KIF16B: variants seen among roughly 807,000 people sequenced by gnomAD.
KIF16B encodes kinesin-like protein KIF16B.
In KIF16B, 98 loss-of-function variants were observed where a neutral mutation model predicts 156.3. The observed-to-expected ratio is 0.63, with a 90% CI of 0.53 to 0.74. KIF16B has a LOEUF of 0.74. Among genes scored for constraint, KIF16B ranks in the 30% least tolerant of loss-of-function variants. KIF16B has a pLI of 0.00. For synonymous variants in KIF16B, 564 were observed against 583.7 expected, an observed-to-expected ratio of 0.97 and a Z score of 0.49; for missense variants, 1,421 against 1,606.5, an observed-to-expected ratio of 0.88 and a Z score of 1.97.
intron 17 of KIF16B, among the ~76,000 whole-genome samples, chr20:16,389,101 T>C (rs2065301123): frequency 1.3e-5 from 2 of 152,112 alleles, no homozygotes; most frequent in Non-Finnish European, 2.9e-5. Context: ...TACTCTATTA[T>C]CTCAGTGGGC....
chr20:16,570,162 T>C (rs2071403752), intron 1 of KIF16B, among the ~76,000 whole-genome samples: 1 of 152,238 alleles, frequency 6.6e-6, no homozygotes, highest in Non-Finnish European at 1.5e-5. Context: ...CCCAATTTTG[T>C]ATATTAAGGT....
chr20:16,296,657 G>T (rs2063391110), intron 25 of KIF16B, among the ~76,000 whole-genome samples: 1 of 152,080 alleles, frequency 6.6e-6, no homozygotes, highest in Non-Finnish European at 1.5e-5. Flanking sequence ...ACATGAGGTG[G>T]GATTGTAATT....
chr20:16,405,691 TG>T (rs1372948000), intron 16 of KIF16B, among the ~76,000 whole-genome samples: 1 of 152,146 alleles, frequency 6.6e-6, no homozygotes, highest in African/African-American at 2.4e-5. Context: ...CATCTTGACC[TG>T]GGGGTGATAG....
At chr20:16,372,973 T>C (rs2064859726) in intron 20 of KIF16B, among the ~76,000 whole-genome samples, 1 of 152,208 alleles carries the variant, frequency 6.6e-6, no homozygotes, top group African/African-American at 2.4e-5. Flanking sequence ...GCTGGGATTA[T>C]AGGCGTCAGC....
intron 12 of KIF16B, among the ~76,000 whole-genome samples, chr20:16,434,551 T>C (rs2066592940): frequency 6.6e-6 from 1 of 152,194 alleles, no homozygotes; most frequent in African/African-American, 2.4e-5. Flanking sequence ...AGATTGTACT[T>C]GGAAAAAACT....
intron 15 of KIF16B, among the ~76,000 whole-genome samples, chr20:16,408,656 T>C (rs1441805203): frequency 1.3e-5 from 2 of 152,136 alleles, no homozygotes; most frequent in African/African-American, 2.4e-5. Flanking sequence ...TTTCAAATTG[T>C]ATTAAATCAT....
At chr20:16,547,810 C>CCACG (rs1319755153) in intron 1 of KIF16B, among the ~76,000 whole-genome samples, 3 of 152,208 alleles carry the variant, frequency 2.0e-5, no homozygotes, top group African/African-American at 7.2e-5. Context: ...TGACCATGGT[C>CCACG]CACGGCATGC....
At chr20:16,318,945 C>T (rs969473803) in intron 24 of KIF16B, among the ~76,000 whole-genome samples, 12 of 152,112 alleles carry the variant, frequency 7.9e-5, no homozygotes, top group Admixed American at 2.0e-4. Context: ...ACTTCAGCCA[C>T]GTGATCAAGT....
At chr20:16,553,541 G>A (rs1398459388) in intron 1 of KIF16B, among the ~76,000 whole-genome samples, 23 of 152,180 alleles carry the variant, frequency 1.5e-4, no homozygotes, top group African/African-American at 5.5e-4. Context: ...CACCAGCTAA[G>A]CCTATTTGGA....
At chr20:16,483,233 G>C (rs1185033713) in intron 12 of KIF16B, among the ~76,000 whole-genome samples, 1 of 152,204 alleles carries the variant, frequency 6.6e-6, no homozygotes, top group Non-Finnish European at 1.5e-5. Context: ...ATCCTGGTGA[G>C]CCAGAGCCCT....
intron 25 of KIF16B, among the ~76,000 whole-genome samples, chr20:16,292,089 A>G (rs924711296): frequency 1.7e-4 from 26 of 152,242 alleles, no homozygotes; most frequent in Non-Finnish European, 1.5e-5. Context: ...CTTATAAATA[A>G]TATGAAGCAG....
chr20:16,368,999 CA>C (rs2064750216), intron 22 of KIF16B: 1 of 985,716 alleles, frequency 1.0e-6, no homozygotes, highest in Non-Finnish European at 1.2e-6. Context: ...CATTTTGGTT[CA>C]AAATGGCCAG....
rs149098302 is a variant in KIF16B at position 16,405,742 on chromosome 20, G to A, written c.1695+632C>T. Among the ~76,000 whole-genome samples the A allele has an allele frequency of 8.2e-3, 1,248 of 152,260 alleles. 7 individuals are homozygous for A. Among genetic ancestry groups the A allele is most frequent in the Non-Finnish European group, 0.013 (853 of 68,010 alleles). On this transcript the variant is annotated intron_variant, in intron 16 of 25. Coordinates refer to ENST00000354981, the MANE Select transcript of KIF16B (RefSeq NM_024704.5). ...CGGCTGCTGCACAGATAAAGAGATAGAATATATGTACAAGTTTAGCACCAT... is the reference window on the plus strand; with the variant it reads ...CGGCTGCTGCACAGATAAAGAGATAAAATATATGTACAAGTTTAGCACCAT...
At chr20:16,410,299 A>ATG (rs35361828) in intron 15 of KIF16B, among the ~76,000 whole-genome samples, 4,774 of 141,482 alleles carry the variant, frequency 0.034, 113 homozygotes, top group African/African-American at 0.055. Context: ...CTACATATAT[A>ATG]TGTGTGTGTG....
At chr20:16,315,188 C>A (rs770407754) in intron 24 of KIF16B, among the ~76,000 whole-genome samples, 1 of 152,096 alleles carries the variant, frequency 6.6e-6, no homozygotes, top group Non-Finnish European at 1.5e-5. Flanking sequence ...CTCTCCAGAC[C>A]CAGATGGAGG....
At chr20:16,511,784 T>A (rs886703896) in intron 5 of KIF16B, among the ~76,000 whole-genome samples, 1 of 152,164 alleles carries the variant, frequency 6.6e-6, no homozygotes, top group Admixed American at 6.5e-5. Flanking sequence ...ATTGCTATAA[T>A]GTTGACGAGA....
chr20:16,359,087 T>A (rs1289746466), intron 22 of KIF16B, among the ~76,000 whole-genome samples: 2 of 152,208 alleles, frequency 1.3e-5, no homozygotes, highest in African/African-American at 2.4e-5. Flanking sequence ...GACCTTAACT[T>A]TCTCTTTTCA....
At chr20:16,393,515 C>T (rs181507821) in intron 17 of KIF16B, among the ~76,000 whole-genome samples, 29 of 152,266 alleles carry the variant, frequency 1.9e-4, no homozygotes, top group African/African-American at 7.0e-4. Flanking sequence ...GGTTAAGAGT[C>T]ATGGTCTGTG....
intron 15 of KIF16B, among the ~76,000 whole-genome samples, chr20:16,407,562 A>T (rs2065817484): frequency 6.6e-6 from 1 of 152,086 alleles, no homozygotes; most frequent in Non-Finnish European, 1.5e-5. Context: ...GGGCAAGAGG[A>T]AGTGTTCCAT....
Sources: gnomAD v4.1 joint callset for allele counts (sites outside exome capture counted in the v4.1 genomes callset) on GRCh38, gnomAD v4.1.1 for gene constraint, MANE v1.5 for transcripts, NCBI Gene and HGNC (gene_info 2026-07-23, HGNC 2026-07-21) for gene names.